RABGAP1L: variants seen among roughly 807,000 people sequenced by gnomAD.
RABGAP1L encodes rab GTPase-activating protein 1-like.
Under a neutral mutation model 137.7 loss-of-function variants are expected in RABGAP1L, and 63 were observed. The observed-to-expected ratio is 0.46, with a 90% CI of 0.37 to 0.56. RABGAP1L has a LOEUF of 0.56. RABGAP1L is among the 20% of genes least tolerant of loss of function. The probability of loss-of-function intolerance (pLI) is 0.00; values close to 1 mark genes in which losing one functional copy is unlikely to be tolerated. For missense variants in RABGAP1L, 1,095 were observed against 1,244.0 expected, an observed-to-expected ratio of 0.88 and a Z score of 1.80; for synonymous variants, 431 against 433.7, an observed-to-expected ratio of 0.99 and a Z score of 0.08.
At chr1:174,719,633 G>A (rs935059026) in intron 17 of RABGAP1L, among the ~76,000 whole-genome samples, 1 of 152,238 alleles carries the variant, frequency 6.6e-6, no homozygotes, top group South Asian at 2.1e-4. Context: ...TGAGTGAAAT[G>A]TGCTAGGTAT....
chr1:174,610,307 T>A (rs921635538), intron 13 of RABGAP1L, among the ~76,000 whole-genome samples: 1 of 150,210 alleles, frequency 6.7e-6, no homozygotes, highest in Non-Finnish European at 1.5e-5. Flanking sequence ...CATGCAGTGT[T>A]TGGTTTTTTG....
chr1:174,226,980 C>T (rs1015082147), intron 3 of RABGAP1L, among the ~76,000 whole-genome samples: 1 of 151,926 alleles, frequency 6.6e-6, no homozygotes, highest in Non-Finnish European at 1.5e-5. Context: ...TTAAATGGCT[C>T]TAACATATCA....
At position 174,353,169 on chromosome 1, in the gene RABGAP1L, C is replaced by T. The variant is rs57265137; in HGVS notation, c.1466-17810C>T. Reference sequence around the variant, plus strand: ...GAGTGGATTCCCTTTTCCCTTTTGACCTAGAGTGTGTCGTGAAATGTTATC... The same window carrying T: ...GAGTGGATTCCCTTTTCCCTTTTGATCTAGAGTGTGTCGTGAAATGTTATC... On this transcript the variant is annotated intron_variant, in intron 11 of 25. Transcript: ENST00000681986. Among the ~76,000 whole-genome samples, 791 of 152,232 alleles carry T rather than the reference C, an allele frequency of 5.2e-3. 8 individuals are homozygous for T. Among genetic ancestry groups the T allele is most frequent in the African/African-American group, 0.018 (750 of 41,512 alleles).
At chr1:174,794,302 C>G (rs1225931512) in intron 18 of RABGAP1L, among the ~76,000 whole-genome samples, 1 of 152,206 alleles carries the variant, frequency 6.6e-6, no homozygotes, top group Admixed American at 6.5e-5. Flanking sequence ...GTTTGACTAA[C>G]TCTCTTTCTA....
chr1:174,657,041 A>C (rs1422034899), intron 14 of RABGAP1L, among the ~76,000 whole-genome samples: 1 of 152,148 alleles, frequency 6.6e-6, no homozygotes, highest in Non-Finnish European at 1.5e-5. Flanking sequence ...ATTGCTCTCT[A>C]AGTTCTCAGA....
intron 13 of RABGAP1L, among the ~76,000 whole-genome samples, chr1:174,397,902 G>T (rs1648074772): frequency 6.6e-6 from 1 of 152,118 alleles, no homozygotes. Flanking sequence ...GATAATTTGC[G>T]AGAATAACTC....
chr1:174,542,408 T>TAGTTTGTATTTCTGTGGGATCTGTGGTG (rs1665546167), intron 13 of RABGAP1L, among the ~76,000 whole-genome samples: 1 of 152,228 alleles, frequency 6.6e-6, no homozygotes, highest in African/African-American at 2.4e-5. Flanking sequence ...TCTCTGATGG[T>TAGTTTGTATTTCTGTGGGATCTGTGGTG]AGTTTGTATT....
chr1:174,672,208 CT>C (rs572841318), intron 14 of RABGAP1L, among the ~76,000 whole-genome samples: 227 of 150,808 alleles, frequency 1.5e-3, no homozygotes, highest in Non-Finnish European at 2.8e-3. Context: ...TCTTCTCTCA[CT>C]TTTTCTTAGT....
chr1:174,367,788 C>G (rs1292709436), intron 11 of RABGAP1L: 2 of 196,344 alleles, frequency 1.0e-5, no homozygotes, highest in East Asian at 2.6e-4. Context: ...CCAGGCATTA[C>G]TCTTCCTCTG....
intron 1 of RABGAP1L, among the ~76,000 whole-genome samples, chr1:174,166,598 A>G (rs548630819): frequency 5.3e-5 from 8 of 152,186 alleles, no homozygotes; most frequent in Non-Finnish European, 1.2e-4. Context: ...TCACAGGGGA[A>G]TTGGGTAGCT....
chr1:174,848,773 G>C (rs1181242855), intron 19 of RABGAP1L, among the ~76,000 whole-genome samples: 187 of 150,188 alleles, frequency 1.2e-3, no homozygotes, highest in South Asian at 8.5e-4. Flanking sequence ...GAGCTTCCCG[G>C]CTGCTTTGTT....
chr1:174,911,526 A>G (rs755049951), intron 19 of RABGAP1L, among the ~76,000 whole-genome samples: 16 of 152,372 alleles, frequency 1.1e-4, no homozygotes, highest in Non-Finnish European at 2.1e-4. Context: ...TGTGCTTAGG[A>G]GACTGGAGAT....
intron 13 of RABGAP1L, among the ~76,000 whole-genome samples, chr1:174,531,624 T>C (rs1664412409): frequency 6.6e-6 from 1 of 151,944 alleles, no homozygotes; most frequent in Non-Finnish European, 1.5e-5. Context: ...TTCAAGCTAC[T>C]TGGGGGGCCA....
rs1237881144 is a variant in RABGAP1L, at chr1:174,589,762, T to G, written c.1711-47613T>G. Among the ~76,000 whole-genome samples the G allele has an allele frequency of 5.3e-5, 8 of 152,278 alleles. No individual in the cohort carries two copies. The East Asian group carries it at 1.5e-3, about 29-fold the overall frequency. On this transcript the variant is annotated intron_variant, in intron 13 of 25. Coordinates refer to ENST00000681986, the MANE Select transcript of RABGAP1L (RefSeq NM_001366446.1). ...TCTTGGCATGTTGTCAAAAATGAGT[T>G]CAATGTAGATGTATGGATTTACTTC... is the stretch of plus-strand genomic sequence containing the variant.
intron 19 of RABGAP1L, among the ~76,000 whole-genome samples, chr1:174,917,448 C>A (rs1661055478): frequency 6.6e-6 from 1 of 152,186 alleles, no homozygotes; most frequent in African/African-American, 2.4e-5. Context: ...ATTGCAAAGA[C>A]TGCCTTTAGT....
intron 13 of RABGAP1L, among the ~76,000 whole-genome samples, chr1:174,421,103 G>C (rs1651234972): frequency 6.6e-6 from 1 of 152,136 alleles, no homozygotes; most frequent in Non-Finnish European, 1.5e-5. Context: ...TGTTTCTAGG[G>C]ACCCTTCTGG....
At chr1:174,713,049 A>G (rs1405145460) in intron 17 of RABGAP1L, among the ~76,000 whole-genome samples, 1 of 152,242 alleles carries the variant, frequency 6.6e-6, no homozygotes, top group Non-Finnish European at 1.5e-5. Context: ...GCACAGGCCC[A>G]GAGGTGGAGC....
At chr1:174,481,493 A>G (rs982096914) in intron 13 of RABGAP1L, among the ~76,000 whole-genome samples, 7 of 152,178 alleles carry the variant, frequency 4.6e-5, no homozygotes, top group African/African-American at 7.2e-5. Context: ...GGCCTGGTTC[A>G]TAGGCCATCT....
intron 13 of RABGAP1L, among the ~76,000 whole-genome samples, chr1:174,485,708 G>A (rs1659553023): frequency 6.6e-6 from 1 of 152,012 alleles, no homozygotes; most frequent in African/African-American, 2.4e-5. Flanking sequence ...CATGATGAAT[G>A]ATCTTTCTAA....
Sources: gnomAD v4.1 joint callset for allele counts (sites outside exome capture counted in the v4.1 genomes callset) on GRCh38, gnomAD v4.1.1 for gene constraint, MANE v1.5 for transcripts, NCBI Gene and HGNC (gene_info 2026-07-23, HGNC 2026-07-21) for gene names.